The following PDE4A variants were observed in gnomAD, a reference collection of about 807,000 sequenced individuals.
PDE4A encodes phosphodiesterase 4A.
Under a neutral mutation model 73.9 loss-of-function variants are expected in PDE4A, and 21 were observed. The observed-to-expected ratio is 0.28, with a 90% CI of 0.20 to 0.41. PDE4A has a LOEUF of 0.41. Ranked by LOEUF, PDE4A falls within the 10% of genes least tolerant of loss-of-function variation. The pLI, the probability that PDE4A is intolerant of heterozygous loss-of-function variation, is 1.00. For synonymous variants in PDE4A, 463 were observed against 505.4 expected (o/e 0.92, Z 1.13); for missense variants, 958 against 1,211.4 (o/e 0.79, Z 3.10).
At chr19:10,463,756 G>A (rs199602854) in intron 13 of PDE4A, 37 bp from the exon 14 acceptor site, 5 of 1,609,598 alleles carry the variant, frequency 3.1e-6, no homozygotes, top group Middle Eastern at 1.7e-4. Flanking sequence ...CACAGGCATA[G>A]CCTCTGAAGT....
rs988062463 is a variant in PDE4A, at chr19:10,468,345, G to A, written c.*724G>A. The A allele has an allele frequency of 1.3e-5, 2 of 152,608 alleles. No homozygotes were observed. Among genetic ancestry groups the A allele is most frequent in the African/African-American group, 4.8e-5 (2 of 41,386 alleles). The allele number at this position is 152,608 out of a possible 1,614,324, so 9.5% of individuals were successfully genotyped here. A position where few individuals can be genotyped will look rare whatever the true frequency, so the allele number is the denominator to read the frequency against. ...GGATACGGGGGTGGTATGGAAGGGA[G>A]CGTTCACACCGCCAGCCTCGGGCCT... is the stretch of plus-strand genomic sequence containing the variant. On this transcript the variant is annotated 3_prime_UTR_variant, in exon 15 of 15. Coordinates refer to ENST00000380702, the MANE Select transcript of PDE4A (RefSeq NM_001111307.2).
intron 1 of PDE4A, among the ~76,000 whole-genome samples, chr19:10,429,266 AGAAG>A (rs748681551): frequency 1.6e-4 from 22 of 139,088 alleles, no homozygotes; most frequent in South Asian, 9.8e-4. Flanking sequence ...AGGAAAGGAA[AGAAG>A]GAAGGAAGGA....
In PDE4A at chr19:10,420,851, C is replaced by G. The variant is rs772168262; in HGVS notation, c.87C>G (p.Pro29=). ...PREGQATLKP[P]PQHLWRQPRT... is the part of the protein sequence containing the mutation. ...AGGGCCAGGCCACCCTGAAGCCTCC[C>G]CCGCAGCACCTGTGGCGGCAGCCTC... Residue 29 remains proline, a synonymous_variant, in exon 1 of 15, where the codon CCC becomes CCG. Transcript: ENST00000380702. The surrounding 1 kb of genome is among the most constrained non-coding windows in gnomAD (Gnocchi z 6.0). 2 of 1,590,280 alleles carry G rather than the reference C, an allele frequency of 1.3e-6. No homozygotes were observed. Among genetic ancestry groups the G allele is most frequent in the Non-Finnish European group, 8.5e-7 (1 of 1,176,132 alleles).
chr19:10,418,741 C>G (rs1365523696), upstream of PDE4A: 2 of 985,104 alleles, frequency 2.0e-6, no homozygotes. Context: ...ACACCCCCAC[C>G]CACCTCACAT....
rs1319933125 is a variant in PDE4A at position 10,428,958 on chromosome 19, T to G, written c.320+7874T>G. The G allele has an allele frequency of 2.3e-5, 20 of 884,408 alleles. 1 individual carries two copies. In the Admixed American group the frequency reaches 1.2e-3, roughly 52 times the overall value. The allele number at this position is 884,408 out of a possible 1,614,324, so 54.8% of individuals were successfully genotyped here. ...TTCTACTAAAAATACAAGAAAAATT[T>G]GCCAGGTATTGTGGCACATGCCTGT... On this transcript the variant is annotated intron_variant, in intron 1 of 14. Coordinates refer to ENST00000380702, the MANE Select transcript of PDE4A (RefSeq NM_001111307.2).
rs145662339 is a variant in PDE4A at position 10,463,681 on chromosome 19, G to A, written c.1744-112G>A. 1,118 of 1,535,600 alleles carry A rather than the reference G, an allele frequency of 7.3e-4. 4 individuals are homozygous for A. In the African/African-American group the frequency reaches 0.013, roughly 18 times the overall value. The stretch of plus-strand genomic sequence containing the variant: ...ATCCCAAAGTACTGGAATTACAGGC[G>A]TGAGCCACAGTGCCTGGCCCCCATT... On this transcript the variant is annotated intron_variant, in intron 13 of 14. Transcript: ENST00000380702.
chr19:10,452,316 A>G (rs904606559), intron 6 of PDE4A, among the ~76,000 whole-genome samples: 12 of 151,928 alleles, frequency 7.9e-5, no homozygotes, highest in African/African-American at 2.7e-4. Flanking sequence ...GGGTGCCTGT[A>G]ATCCCAACTA....
intron 1 of PDE4A, chr19:10,428,667 C>A: frequency 1.9e-6 from 1 of 535,164 alleles, no homozygotes; most frequent in Non-Finnish European, 2.4e-6. Flanking sequence ...GTATTATACC[C>A]ATTTTACAAC....
At chr19:10,466,566 C>A (rs756711787) in intron 14 of PDE4A, among the ~76,000 whole-genome samples, 1 of 151,760 alleles carries the variant, frequency 6.6e-6, no homozygotes, top group Non-Finnish European at 1.5e-5. Context: ...GGTGCGATCG[C>A]AGCTCATTGC....
chr19:10,432,453 C>T (rs1325715990), intron 1 of PDE4A: 2 of 1,486,160 alleles, frequency 1.3e-6, no homozygotes, highest in African/African-American at 2.9e-5. Context: ...CGGTGCAGCG[C>T]CCCGGGCCCG....
chr19:10,449,282 G>T, intron 4 of PDE4A, 132 bp downstream of exon 4: 1 of 904,622 alleles, frequency 1.1e-6, no homozygotes. Flanking sequence ...ACAGCTCCCA[G>T]AAAGCCAGAG....
rs2043120053 is a variant in PDE4A, at chr19:10,453,178, C to T, written c.784-1651C>T. 14 of 1,479,750 alleles carry T rather than the reference C, an allele frequency of 9.5e-6. No homozygotes were observed. The South Asian group carries it at 1.6e-4, about 17-fold the overall frequency. The allele number at this position is 1,479,750 out of a possible 1,614,324, so 91.7% of individuals were successfully genotyped here. On this transcript the variant is annotated intron_variant, in intron 6 of 14. Transcript: ENST00000380702. This position sits in a 1 kb window ranked among gnomAD's most constrained non-coding sequence, Gnocchi z 4.6. ...CCCCTTCCACTACCCACCTGCCCGG[C>T]ACCCCCTCCCCAGTGGTTGTTAACC...
chr19:10,464,374 G>A, intron 14 of PDE4A: 1 of 455,584 alleles, frequency 2.2e-6, no homozygotes, highest in Non-Finnish European at 4.4e-6. Context: ...AGGATTACAA[G>A]TGTGAGCCAC....
rs2042644707 is a variant in PDE4A, at chr19:10,421,069, G to C, written c.305G>C (p.Gly102Ala). ...GGCACCGGCAGCGGCGGCGCGGGCG[G>C]AGGCAGCAGCAGGCGGTAAGACTCC... The part of the protein sequence containing the change: ...GTGTGSGGAG[G>A]GSSRRFEAEN... Residue 102 changes from glycine to alanine, a missense_variant, in exon 1 of 15, where the codon GGA becomes GCA. Physicochemically the swap from Gly to Ala is moderately conservative, Grantham distance 60. Coordinates refer to ENST00000380702, the MANE Select transcript of PDE4A (RefSeq NM_001111307.2). The C allele has an allele frequency of 4.3e-6, 6 of 1,381,798 alleles. No individual in the cohort carries two copies. The highest frequency in any genetic ancestry group is 5.6e-6 in the Non-Finnish European group (6 of 1,077,314). The allele number at this position is 1,381,798 out of a possible 1,614,324, so 85.6% of individuals were successfully genotyped here.
At chr19:10,443,323 T>G (rs1400943438) in intron 1 of PDE4A, among the ~76,000 whole-genome samples, 4 of 151,912 alleles carry the variant, frequency 2.6e-5, no homozygotes, top group African/African-American at 9.7e-5. Flanking sequence ...GGTGAGGGCA[T>G]TGCTTGAGCC....
upstream of PDE4A, chr19:10,417,035 G>A (rs1038242163): frequency 6.5e-7 from 1 of 1,532,626 alleles, no homozygotes; most frequent in Non-Finnish European, 8.7e-7. Context: ...TTCGCCCCTT[G>A]GGGGAGACTA....
chr19:10,463,246 G>C (rs1026924225), intron 13 of PDE4A, among the ~76,000 whole-genome samples: 1 of 151,408 alleles, frequency 6.6e-6, no homozygotes, highest in African/African-American at 2.4e-5. Context: ...CCTACCACCA[G>C]ACCTGGCTAA....
At chr19:10,447,217 C>CTTTTTTTTT (rs34169084) in intron 2 of PDE4A, among the ~76,000 whole-genome samples, 1 of 59,200 alleles carries the variant, frequency 1.7e-5, no homozygotes, top group Non-Finnish European at 2.9e-5. Flanking sequence ...CTTTTTTTCT[C>CTTTTTTTTT]TTTTTTTTTT....
intron 1 of PDE4A, among the ~76,000 whole-genome samples, chr19:10,426,867 CAAA>C (rs1169070596): frequency 1.0e-5 from 1 of 99,216 alleles, no homozygotes. Context: ...GACTCCGTCT[CAAA>C]AAAAAAAAAA....
Sources: allele counts gnomAD v4.1 joint callset (sites outside exome capture counted in the v4.1 genomes callset), GRCh38; gene constraint gnomAD v4.1.1; non-coding constraint Gnocchi (gnomAD v3.1); transcripts MANE v1.5; gene names NCBI Gene and HGNC (gene_info 2026-07-23, HGNC 2026-07-21).